The following DTWD2 variants were observed in gnomAD, a reference collection of about 807,000 sequenced individuals.
DTWD2 encodes the protein DTW motif tRNA-uridine aminocarboxypropyltransferase 2, also known as tRNA-uridine aminocarboxypropyltransferase 2.
A neutral mutation model predicts 31.8 loss-of-function variants in DTWD2; 39 were observed. The observed-to-expected ratio is 1.22, with a 90% CI of 0.95 to 1.60. The LOEUF is 1.60. Ranked by LOEUF, DTWD2 falls within the 40% of genes most tolerant of loss-of-function variation. DTWD2 has a pLI of 0.00. For synonymous variants in DTWD2, 180 were observed against 142.8 expected (o/e 1.26, Z -1.86); for missense variants, 515 against 381.5 (o/e 1.35, Z -2.92).
intron 1 of DTWD2, among the ~76,000 whole-genome samples, chr5:118,966,705 T>C (rs1754857935): frequency 6.6e-6 from 1 of 152,116 alleles, no homozygotes; most frequent in African/African-American, 2.4e-5. Context: ...TATGTTGCTT[T>C]CCCTAACAGT....
chr5:118,951,998 C>G (rs1754476174), intron 1 of DTWD2, among the ~76,000 whole-genome samples: 1 of 152,044 alleles, frequency 6.6e-6, no homozygotes, highest in East Asian at 1.9e-4. Context: ...CTGTCTCTAC[C>G]AGAAAAAGAA....
chr5:118,949,648 T>G (rs1039260429), intron 1 of DTWD2, among the ~76,000 whole-genome samples: 11 of 151,812 alleles, frequency 7.2e-5, no homozygotes, highest in Non-Finnish European at 1.3e-4. Flanking sequence ...TGGCATTGAG[T>G]GGGGTAAGGG....
chr5:118,940,273 A>G (rs1580423699), intron 2 of DTWD2, among the ~76,000 whole-genome samples: 2 of 152,226 alleles, frequency 1.3e-5, no homozygotes, highest in East Asian at 3.9e-4. Context: ...ACTCCGCCTT[A>G]GGTGGTTTTA....
intron 4 of DTWD2, among the ~76,000 whole-genome samples, chr5:118,899,085 A>G (rs1753147012): frequency 6.6e-6 from 1 of 152,186 alleles, no homozygotes; most frequent in African/African-American, 2.4e-5. Flanking sequence ...CATACTGTAA[A>G]TATGTGTCTT....
intron 1 of DTWD2, among the ~76,000 whole-genome samples, chr5:118,973,092 T>C (rs1206310678): frequency 6.6e-6 from 1 of 151,942 alleles, no homozygotes; most frequent in African/African-American, 2.4e-5. Context: ...TTTTTTTTTT[T>C]TTTTTGGCTT....
At chr5:118,935,332 T>A (rs1033649278) in intron 3 of DTWD2, among the ~76,000 whole-genome samples, 7 of 152,152 alleles carry the variant, frequency 4.6e-5, no homozygotes, top group Admixed American at 4.6e-4. Flanking sequence ...AAGCCCCAAC[T>A]TGAAGCTGAT....
At chr5:118,985,710 C>G (rs1755412378) in intron 1 of DTWD2, among the ~76,000 whole-genome samples, 1 of 151,796 alleles carries the variant, frequency 6.6e-6, no homozygotes, top group Non-Finnish European at 1.5e-5. Context: ...GTGTTTAAAT[C>G]TTTCCACTCT....
intron 1 of DTWD2, among the ~76,000 whole-genome samples, chr5:118,984,801 C>CAATGAT (rs1206150642): frequency 1.3e-5 from 2 of 152,154 alleles, no homozygotes; most frequent in Non-Finnish European, 2.9e-5. Context: ...GTTTATGACT[C>CAATGAT]ATCCTCAAAT....
chr5:118,945,774 AAAAGAAAG>A (rs56103316), intron 1 of DTWD2, among the ~76,000 whole-genome samples: 19,395 of 134,322 alleles, frequency 0.14, 2,806 homozygotes, highest in African/African-American at 0.38. Flanking sequence ...CAAAAAAAAA[AAAAGAAAG>A]AAAGAAAGAA....
intron 4 of DTWD2, among the ~76,000 whole-genome samples, chr5:118,898,987 G>C (rs1457145678): frequency 6.6e-6 from 1 of 152,162 alleles, no homozygotes; most frequent in Non-Finnish European, 1.5e-5. Flanking sequence ...ACATGCACAA[G>C]CACAGAACAG....
In DTWD2 at chr5:118,836,259, G is replaced by A. The variant is rs1032814584; in HGVS notation, c.*4658C>T. ...TTTTTATTTATTTATTTATTTATTT[G>A]AGACACTGTCTCACTCTGTCGCCCA... On this transcript the variant is annotated 3_prime_UTR_variant, in exon 6 of 6. Coordinates refer to ENST00000510708, the MANE Select transcript of DTWD2 (RefSeq NM_173666.4). Among the ~76,000 whole-genome samples, 6 of 151,836 alleles carry A rather than the reference G, an allele frequency of 4.0e-5. No individual in the cohort carries two copies. Among genetic ancestry groups the A allele is most frequent in the Non-Finnish European group, 5.9e-5 (4 of 67,998 alleles).
At chr5:118,904,061 A>G (rs17440213) in intron 4 of DTWD2, among the ~76,000 whole-genome samples, 13,285 of 152,058 alleles carry the variant, frequency 0.087, 659 homozygotes, top group Middle Eastern at 0.17. Flanking sequence ...TGGTGATTCA[A>G]TCAGAAAGAC....
At chr5:118,855,523 CACTA>C (rs1490338509) in intron 4 of DTWD2, among the ~76,000 whole-genome samples, 1 of 151,618 alleles carries the variant, frequency 6.6e-6, no homozygotes, top group East Asian at 1.9e-4. Context: ...ATAAAGAAAA[CACTA>C]ACCTAAATTT....
At chr5:118,895,942 T>C (rs200196054) in intron 4 of DTWD2, among the ~76,000 whole-genome samples, 1 of 152,226 alleles carries the variant, frequency 6.6e-6, no homozygotes, top group East Asian at 1.9e-4. Flanking sequence ...AATAAAATTA[T>C]ATAATTCATA....
At position 118,837,651 on chromosome 5, in the gene DTWD2, A is replaced by G. The variant is rs1395278011; in HGVS notation, c.*3266T>C. 1 of 152,212 alleles carries G rather than the reference A, an allele frequency of 6.6e-6. No individual in the cohort carries two copies. The highest frequency in any genetic ancestry group is 1.5e-5 in the Non-Finnish European group (1 of 68,040). The allele number at this position is 152,212 out of a possible 1,614,324, so 9.4% of individuals were successfully genotyped here. ...ATTATACAGAAGTGCTCTTCTATAT[A>G]ATTTACTGAGAGGCCAAGGCAGAAG... On this transcript the variant is annotated 3_prime_UTR_variant, in exon 6 of 6. Transcript: ENST00000510708.
intron 4 of DTWD2, among the ~76,000 whole-genome samples, chr5:118,895,911 C>T (rs887991712): frequency 1.3e-5 from 2 of 152,140 alleles, no homozygotes; most frequent in Non-Finnish European, 2.9e-5. Flanking sequence ...TCATTCAAAC[C>T]ACCTTACAAT....
At chr5:118,879,205 C>T (rs931685909) in intron 4 of DTWD2, among the ~76,000 whole-genome samples, 3 of 152,146 alleles carry the variant, frequency 2.0e-5, no homozygotes, top group Non-Finnish European at 4.4e-5. Flanking sequence ...CACTGCAGCA[C>T]TATTCACAAT....
intron 5 of DTWD2, among the ~76,000 whole-genome samples, chr5:118,847,609 A>ATT (rs59328076): frequency 1.9e-3 from 281 of 149,478 alleles, no homozygotes; most frequent in Non-Finnish European, 3.3e-3. Flanking sequence ...TTCTCTAGGC[A>ATT]TTTTTTTTTT....
At chr5:118,943,094 G>C (rs552828591) in intron 2 of DTWD2, among the ~76,000 whole-genome samples, 39 of 152,166 alleles carry the variant, frequency 2.6e-4, no homozygotes, top group African/African-American at 8.9e-4. Context: ...ATAAGCCACC[G>C]CTCCCAGCCT....
Sources: allele counts gnomAD v4.1 joint callset (sites outside exome capture counted in the v4.1 genomes callset), GRCh38; gene constraint gnomAD v4.1.1; transcripts MANE v1.5; gene names NCBI Gene and HGNC (gene_info 2026-07-23, HGNC 2026-07-21).